The following HHAT variants were observed in gnomAD, a reference collection of about 807,000 sequenced individuals.
The protein encoded by HHAT is protein-cysteine N-palmitoyltransferase HHAT.
A neutral mutation model predicts 70.8 loss-of-function variants in HHAT; 47 were observed. The ratio of observed to expected loss-of-function variants is 0.66; its 90% CI spans 0.53 to 0.85. HHAT has a LOEUF of 0.85. HHAT is among the 40% of genes least tolerant of loss of function. The probability of loss-of-function intolerance (pLI) is 0.00; values close to 1 mark genes in which losing one functional copy is unlikely to be tolerated. For synonymous variants in HHAT, 228 were observed against 247.6 expected (o/e 0.92, Z 0.74); for missense variants, 609 against 604.8 (o/e 1.01, Z -0.07).
chr1:210,513,413 C>G (rs1389457594), intron 9 of HHAT, among the ~76,000 whole-genome samples: 1 of 152,150 alleles, frequency 6.6e-6, no homozygotes, highest in African/African-American at 2.4e-5. Context: ...GTGATAGTTA[C>G]CTAAGATCTT....
intron 3 of HHAT, among the ~76,000 whole-genome samples, chr1:210,368,253 G>A (rs563571655): frequency 1.3e-5 from 2 of 152,210 alleles, no homozygotes; most frequent in East Asian, 3.9e-4. Context: ...AGTTGGATGG[G>A]CTTAAGTTCA....
chr1:210,401,000 G>C (rs1224697350), intron 5 of HHAT, among the ~76,000 whole-genome samples: 1 of 152,228 alleles, frequency 6.6e-6, no homozygotes, highest in Non-Finnish European at 1.5e-5. Flanking sequence ...AAAACATCTG[G>C]AGAGTGCCCT....
At chr1:210,576,950 G>A (rs1234499810) in intron 9 of HHAT, among the ~76,000 whole-genome samples, 1 of 151,506 alleles carries the variant, frequency 6.6e-6, no homozygotes, top group Non-Finnish European at 1.5e-5. Context: ...ATTCTTTTTT[G>A]TTGTTCTTTT....
intron 8 of HHAT, among the ~76,000 whole-genome samples, chr1:210,472,797 G>A (rs1401968267): frequency 6.6e-6 from 1 of 152,174 alleles, no homozygotes; most frequent in Non-Finnish European, 1.5e-5. Flanking sequence ...TTATACATTG[G>A]TTTGGTCTGG....
At chr1:210,450,254 G>A (rs1048794446) in intron 7 of HHAT, among the ~76,000 whole-genome samples, 1 of 148,564 alleles carries the variant, frequency 6.7e-6, no homozygotes, top group African/African-American at 2.5e-5. Context: ...TTGCGCCACT[G>A]CACTCCAGCC....
At chr1:210,439,106 A>G (rs1219728345) in intron 7 of HHAT, among the ~76,000 whole-genome samples, 1 of 151,932 alleles carries the variant, frequency 6.6e-6, no homozygotes, top group Non-Finnish European at 1.5e-5. Flanking sequence ...TGGTGTCCGC[A>G]TTGAAATAAA....
intron 8 of HHAT, among the ~76,000 whole-genome samples, chr1:210,499,551 G>GAGAA (rs921312400): frequency 6.6e-6 from 1 of 152,100 alleles, no homozygotes; most frequent in African/African-American, 2.4e-5. Flanking sequence ...GCTGAAGCAT[G>GAGAA]AGAATCCTTG....
At chr1:210,328,554 T>C (rs1044808290), upstream of HHAT, among the ~76,000 whole-genome samples, 1 of 152,204 alleles carries the variant, frequency 6.6e-6, no homozygotes, top group Admixed American at 6.5e-5. Flanking sequence ...GCCCACCCTC[T>C]TTCCACCGCA....
rs374232004 is a variant in HHAT, at chr1:210,571,871, T to C, written c.1044-16027T>C. On this transcript the variant is annotated intron_variant, in intron 9 of 11. Coordinates refer to ENST00000261458, the MANE Select transcript of HHAT (RefSeq NM_018194.6). ...TTTGTGTGACACACGTTTAATGTCATCCTTAGACTGCCTCTATCTGTAAAA... is the reference window on the plus strand; with the variant it reads ...TTTGTGTGACACACGTTTAATGTCACCCTTAGACTGCCTCTATCTGTAAAA... Among the ~76,000 whole-genome samples, 5 of 152,370 alleles carry C rather than the reference T, an allele frequency of 3.3e-5. No homozygotes were observed. In the South Asian group the frequency reaches 1.0e-3, roughly 32 times the overall value.
intron 8 of HHAT, among the ~76,000 whole-genome samples, chr1:210,482,162 G>A (rs1289724353): frequency 1.3e-5 from 2 of 152,182 alleles, no homozygotes. Flanking sequence ...AGTGCCGGCA[G>A]TAATCTATAG....
At chr1:210,569,373 C>CAAAAAAAAAGAAAAAAAA (rs1655619515) in intron 9 of HHAT, among the ~76,000 whole-genome samples, 1 of 28,338 alleles carries the variant, frequency 3.5e-5, no homozygotes, top group East Asian at 1.5e-3. Context: ...GAGTCTGCCT[C>CAAAAAAAAAGAAAAAAAA]AAAAAAAAAA....
At chr1:210,616,998 C>T (rs747172362) in intron 10 of HHAT, among the ~76,000 whole-genome samples, 1 of 152,202 alleles carries the variant, frequency 6.6e-6, no homozygotes, top group Admixed American at 6.5e-5. Context: ...CTACATTTAT[C>T]AAATGCCAAT....
chr1:210,596,046 G>A (rs1662920524), intron 10 of HHAT, among the ~76,000 whole-genome samples: 1 of 152,166 alleles, frequency 6.6e-6, no homozygotes, highest in South Asian at 2.1e-4. Context: ...CCTTGCCCAT[G>A]CCTATGTCCT....
intron 11 of HHAT, among the ~76,000 whole-genome samples, chr1:210,668,045 T>G (rs1385063587): frequency 6.6e-6 from 1 of 152,216 alleles, no homozygotes; most frequent in East Asian, 1.9e-4. Context: ...CTCTACATAT[T>G]TCATAGAAAT....
intron 11 of HHAT, among the ~76,000 whole-genome samples, chr1:210,668,747 A>G (rs1049586461): frequency 1.3e-5 from 2 of 152,158 alleles, no homozygotes; most frequent in African/African-American, 4.8e-5. Context: ...CAGTGGCTGT[A>G]CCATTTCATA....
intron 7 of HHAT, among the ~76,000 whole-genome samples, chr1:210,453,797 A>G (rs2093804196): frequency 1.3e-5 from 2 of 152,316 alleles, no homozygotes; most frequent in South Asian, 4.1e-4. Context: ...TTAATTTCCA[A>G]TTCAGTCTAC....
chr1:210,442,659 A>G (rs937049080), intron 7 of HHAT, among the ~76,000 whole-genome samples: 15 of 152,266 alleles, frequency 9.9e-5, no homozygotes, highest in Non-Finnish European at 2.1e-4. Flanking sequence ...CTTTTGAGAA[A>G]TGTCTGTTCA....
At chr1:210,327,936 G>A (rs1259866726), upstream of HHAT, among the ~76,000 whole-genome samples, 1 of 152,132 alleles carries the variant, frequency 6.6e-6, no homozygotes, top group Non-Finnish European at 1.5e-5. Flanking sequence ...TGGGTTGGGG[G>A]GAAGCAGAAA....
At chr1:210,520,681 C>T (rs2095143105) in intron 9 of HHAT, among the ~76,000 whole-genome samples, 1 of 152,082 alleles carries the variant, frequency 6.6e-6, no homozygotes, top group East Asian at 1.9e-4. Context: ...TTAAATTTGT[C>T]AATTTATAAT....
Sources: allele counts gnomAD v4.1 joint callset (sites outside exome capture counted in the v4.1 genomes callset), GRCh38; gene constraint gnomAD v4.1.1; transcripts MANE v1.5; gene names NCBI Gene and HGNC (gene_info 2026-07-23, HGNC 2026-07-21).